Variants in ABCA1 observed in about 807,000 individuals in gnomAD.
The protein encoded by ABCA1 is phospholipid-transporting ATPase ABCA1.
In ABCA1, 133 loss-of-function variants were observed where a neutral mutation model predicts 262.5. The observed-to-expected ratio is 0.51, with a 90% CI of 0.44 to 0.59. The LOEUF is 0.59. Among genes scored for constraint, ABCA1 ranks in the 20% least tolerant of loss-of-function variants. The pLI is 0.00. For missense variants in ABCA1, 2,452 were observed against 2,777.5 expected (o/e 0.88, Z 2.63); for synonymous variants, 1,022 against 1,043.5 (o/e 0.98, Z 0.40).
chr9:104,856,532 C>T (rs942220987), intron 7 of ABCA1, among the ~76,000 whole-genome samples: 7 of 152,230 alleles, frequency 4.6e-5, no homozygotes, highest in African/African-American at 1.7e-4. Flanking sequence ...TGTCACGCTG[C>T]TAATCCTCCC....
intron 3 of ABCA1, among the ~76,000 whole-genome samples, chr9:104,887,052 C>A (rs1165161805): frequency 6.6e-6 from 1 of 152,050 alleles, no homozygotes; most frequent in African/African-American, 2.4e-5. Flanking sequence ...CTGAGGCGGG[C>A]GAATCACCTG....
intron 7 of ABCA1, among the ~76,000 whole-genome samples, chr9:104,858,180 T>C (rs968876945): frequency 1.3e-5 from 2 of 152,208 alleles, no homozygotes; most frequent in African/African-American, 4.8e-5. Context: ...TCAAGACTTT[T>C]TTTTTTTAAA....
In ABCA1 at chr9:104,834,674, G is replaced by A. The variant is rs753284810; in HGVS notation, c.1312-1903C>T. On this transcript the variant is annotated intron_variant, in intron 11 of 49. Transcript: ENST00000374736. ...AGGGGCAGGAGACCTAAGACTGCCCGCAGGGGTGGAGGCAGAGAGAAAACA... is the reference window on the plus strand; with the variant it reads ...AGGGGCAGGAGACCTAAGACTGCCCACAGGGGTGGAGGCAGAGAGAAAACA... 2.3e-4 allele frequency among the ~76,000 whole-genome samples: 34 copies of A among 148,870 alleles called. 1 individual carries two copies. Among genetic ancestry groups the A allele is most frequent in the Non-Finnish European group, 1.9e-4 (13 of 67,352 alleles).
intron 3 of ABCA1, among the ~76,000 whole-genome samples, chr9:104,886,207 A>G (rs1455451345): frequency 6.6e-6 from 1 of 152,042 alleles, no homozygotes; most frequent in Non-Finnish European, 1.5e-5. Context: ...CTTCCATCTC[A>G]CAGCTACCAC....
chr9:104,836,841 G>A (rs1480829491), intron 11 of ABCA1, 139 bp downstream of exon 11: 2 of 712,144 alleles, frequency 2.8e-6, no homozygotes, highest in Non-Finnish European at 5.0e-6. Context: ...GGTGCCCTGT[G>A]ACTTTAGCTA....
chr9:104,861,698 G>C lies in ABCA1; in HGVS notation c.524C>G (p.Ala175Gly), dbSNP rs756123638. 6.2e-7 allele frequency: 1 copy of C among 1,614,160 alleles called. No homozygotes were observed. Among genetic ancestry groups the C allele is most frequent in the South Asian group, 1.1e-5 (1 of 91,088 alleles). Residue 175 changes from alanine (A) to glycine (G), a missense_variant, in exon 6 of 50, where the codon GCT becomes GGT. Transcript: ENST00000374736. ...GCTTACCTTGTGGAGAATGACATCAGCCCTCAGCATCTTGTCCACAGTAGA... is the reference window on the plus strand; with the variant it reads ...GCTTACCTTGTGGAGAATGACATCACCCCTCAGCATCTTGTCCACAGTAGA... ...PKSTVDKMLR[A>G]DVILHKVFLQ...
chr9:104,909,142 T>G (rs1036834538), intron 1 of ABCA1, among the ~76,000 whole-genome samples: 1 of 152,210 alleles, frequency 6.6e-6, no homozygotes, highest in African/African-American at 2.4e-5. Context: ...AGATAAATAT[T>G]CATTACCACT....
rs945233011 is a variant in ABCA1, at chr9:104,889,087, T to C, written c.160+15A>G. 2 of 1,610,730 alleles carry C rather than the reference T, an allele frequency of 1.2e-6. No individual in the cohort carries two copies. The highest frequency in any genetic ancestry group is 2.2e-5 in the East Asian group (1 of 44,870). On this transcript the variant is annotated intron_variant, in intron 3 of 49. Transcript: ENST00000374736. ...TGCCATTGGTGAGTCTCAGGCAACA[T>C]CCACAGTTACTTACATTCATGTTGT...
At chr9:104,913,627 C>T (rs1011957962) in intron 1 of ABCA1, among the ~76,000 whole-genome samples, 4 of 152,136 alleles carry the variant, frequency 2.6e-5, no homozygotes, top group Admixed American at 2.6e-4. Flanking sequence ...GAGGTGAAAG[C>T]ATTATACGGT....
At position 104,821,492 on chromosome 9, in the gene ABCA1, C is replaced by T. The variant is rs1414511426; in HGVS notation, c.2843G>A (p.Gly948Glu). Reference protein sequence around the residue: ...GKTTTMSILTGLFPPTSGTAY... With the variant: ...GKTTTMSILTELFPPTSGTAY... ...GGTGCCCGAGGTCGGGGGGAACAAC[C>T]CGGTCAGGATTGACCTGAGGACAAA... The change falls in exon 20 of 50, where the codon GGG (glycine) becomes GAG (glutamate). Residue 948 changes from glycine to glutamate, a missense_variant. Coordinates refer to ENST00000374736, the MANE Select transcript of ABCA1 (RefSeq NM_005502.4). 1.2e-6 allele frequency: 2 copies of T among 1,613,950 alleles called. No individual in the cohort carries two copies. The highest frequency in any genetic ancestry group is 1.1e-5 in the South Asian group (1 of 91,074).
rs60348262 is a variant in ABCA1 at position 104,807,845 on chromosome 9, T to TACAC, written c.4275-1419_4275-1416dup. Among the ~76,000 whole-genome samples the TACAC allele has an allele frequency of 3.6e-3, 174 of 48,378 alleles. 1 individual carries two copies. The highest frequency in any genetic ancestry group is 0.013 in the South Asian group (17 of 1,328). 31.7% of individuals were successfully genotyped at this position (48,378 alleles called of 152,430 possible). A position where few individuals can be genotyped will look rare whatever the true frequency, so the allele number is the denominator to read the frequency against. On this transcript the variant is annotated intron_variant, in intron 30 of 49. Coordinates refer to ENST00000374736, the MANE Select transcript of ABCA1 (RefSeq NM_005502.4). ...AATAAATAAATAAAATATATATATATACACACACACACACACACACACACA... is the reference window on the plus strand; with the variant it reads ...AATAAATAAATAAAATATATATATATACACACACACACACACACACACACACACA...
At chr9:104,891,934 C>T (rs924455948) in intron 2 of ABCA1, among the ~76,000 whole-genome samples, 12 of 139,836 alleles carry the variant, frequency 8.6e-5, no homozygotes, top group African/African-American at 2.2e-4. Context: ...CACTGCACTC[C>T]GGCCTGGGCG....
chr9:104,803,433 G>T, intron 32 of ABCA1, 117 bp from the exon 33 acceptor site: 2 of 1,054,218 alleles, frequency 1.9e-6, no homozygotes. Flanking sequence ...AATAACCCTA[G>T]AATCAGCTGG....
intron 1 of ABCA1, among the ~76,000 whole-genome samples, chr9:104,915,373 C>A (rs1417915147): frequency 6.6e-6 from 1 of 152,160 alleles, no homozygotes; most frequent in Non-Finnish European, 1.5e-5. Context: ...GTCTTGCCCT[C>A]CAAAACTTAC....
chr9:104,787,258 G>A (rs908977695), intron 46 of ABCA1, among the ~76,000 whole-genome samples: 4 of 152,054 alleles, frequency 2.6e-5, no homozygotes, highest in Non-Finnish European at 5.9e-5. Flanking sequence ...CCATTTAGTT[G>A]TAATTATCTT....
chr9:104,917,757 A>T (rs1841932267), intron 1 of ABCA1, among the ~76,000 whole-genome samples: 1 of 152,172 alleles, frequency 6.6e-6, no homozygotes, highest in South Asian at 2.1e-4. Context: ...CGTCTCAAAA[A>T]AAAAAAGGAG....
Position 104,785,466 on chromosome 9 carries a change from C to CTGAA in ABCA1, c.6571_6574dup (p.Ser2192IlefsTer24). 1 of 1,594,500 alleles carries CTGAA rather than the reference C, an allele frequency of 6.3e-7. No homozygotes were observed. The highest frequency in any genetic ancestry group is 8.6e-7 in the Non-Finnish European group (1 of 1,169,004). On this transcript the variant is annotated frameshift_variant, in exon 49 of 50. Coordinates refer to ENST00000374736, the MANE Select transcript of ABCA1 (RefSeq NM_005502.4). LOFTEE classifies it high-confidence loss of function. ...TCGCTTTTTGCTCTGGGAGAGGATG[C>CTGAA]TGAATATCCTGGCCAGAGAAGATAA...
intron 11 of ABCA1, among the ~76,000 whole-genome samples, chr9:104,834,646 G>GT (rs946904551): frequency 3.4e-5 from 5 of 148,874 alleles, no homozygotes; most frequent in African/African-American, 1.2e-4. Context: ...TGGGGTGCTC[G>GT]TGAGGGGCAG....
chr9:104,850,147 A>C (rs1407658435), intron 7 of ABCA1, among the ~76,000 whole-genome samples: 2 of 131,026 alleles, frequency 1.5e-5, no homozygotes, highest in Non-Finnish European at 1.6e-5. Context: ...TTGAAGACGG[A>C]GTCTCACTCT....
Sources: allele counts gnomAD v4.1 joint callset (sites outside exome capture counted in the v4.1 genomes callset), GRCh38; gene constraint gnomAD v4.1.1; transcripts MANE v1.5; gene names NCBI Gene and HGNC (gene_info 2026-07-23, HGNC 2026-07-21).